AP1G2: variants seen among roughly 807,000 people sequenced by gnomAD.
AP1G2 encodes the protein adaptor related protein complex 1 subunit gamma 2.
Under a neutral mutation model 95.8 loss-of-function variants are expected in AP1G2, and 85 were observed. The ratio of observed to expected loss-of-function variants is 0.89; its 90% CI spans 0.74 to 1.06. AP1G2 has a LOEUF of 1.06. Ranked by LOEUF, AP1G2 falls within the 50% of genes least tolerant of loss-of-function variation. AP1G2 has a pLI of 0.00. For missense variants in AP1G2, 967 were observed against 1,005.8 expected (o/e 0.96, Z 0.52); for synonymous variants, 378 against 400.0 (o/e 0.94, Z 0.66).
chr14:23,565,935 AAG>A (rs748543530), intron 5 of AP1G2, 43 bp from the exon 6 acceptor site: 4 of 1,602,786 alleles, frequency 2.5e-6, no homozygotes, highest in South Asian at 1.1e-5. Context: ...GGCCAGGGGC[AAG>A]AGAGTCTATT....
intron 5 of AP1G2, 77 bp downstream of exon 5, chr14:23,565,987 A>G (rs768377384): frequency 6.2e-7 from 1 of 1,612,544 alleles, no homozygotes; most frequent in East Asian, 2.2e-5. Context: ...TTCTCCTGTG[A>G]GCTGGGGTTC....
In AP1G2 at chr14:23,562,044, T is replaced by TG. The variant is rs762899254; in HGVS notation, c.1650dup (p.Ile551HisfsTer18). On this transcript the variant is annotated frameshift_variant, in exon 17 of 22. Coordinates refer to ENST00000397120, the MANE Select transcript of AP1G2 (RefSeq NM_003917.5). LOFTEE classifies it high-confidence loss of function. ...TCCACGTCCAAGCAGCTCCCGTAGA[T>TG]GGACACCACCTGGCGGATGCGGCTG... 6.2e-7 allele frequency: 1 copy of TG among 1,613,680 alleles called. No homozygotes were observed. The highest frequency in any genetic ancestry group is 1.3e-5 in the African/African-American group (1 of 74,908).
rs760077242 is a variant in AP1G2, at chr14:23,567,472, A to G, written c.-5-153T>C. On this transcript the variant is annotated intron_variant, in intron 1 of 21. Coordinates refer to ENST00000397120, the MANE Select transcript of AP1G2 (RefSeq NM_003917.5). This position sits in a 1 kb window ranked among gnomAD's most constrained non-coding sequence, Gnocchi z 5.3. ...TTACCTTTCCCGAAGTGGGTCTCCA[A>G]ATTCCGCGCCCACCCCACCGCCCGA... is the stretch of plus-strand genomic sequence containing the variant. The G allele has an allele frequency of 5.7e-6, 8 of 1,394,728 alleles. No individual in the cohort carries two copies. The highest frequency in any genetic ancestry group is 1.5e-5 in the African/African-American group (1 of 66,746). The allele number at this position is 1,394,728 out of a possible 1,614,324, so 86.4% of individuals were successfully genotyped here.
intron 19 of AP1G2, 159 bp from the exon 20 acceptor site, chr14:23,560,577 T>C (rs751510570): frequency 5.7e-6 from 4 of 698,708 alleles, no homozygotes; most frequent in Admixed American, 7.1e-5. Context: ...TACTGTCTAA[T>C]GGGGGAGAGA....
Position 23,562,501 on chromosome 14 carries a change from C to T in AP1G2, c.1500+3G>A. The T allele has an allele frequency of 2.5e-6, 4 of 1,614,188 alleles. No individual in the cohort carries two copies. The highest frequency in any genetic ancestry group is 3.4e-6 in the Non-Finnish European group (4 of 1,180,018). ...CCTCAGTGTACCCCCAATGAGGTCT[C>T]ACCTGAAGGGGCTCAATCTCCTCGC... is the stretch of plus-strand genomic sequence containing the variant. On this transcript the variant is annotated splice_donor_region_variant and intron_variant, in intron 15 of 21. Transcript: ENST00000397120.
Position 23,567,275 on chromosome 14 carries a change from C to G in AP1G2, c.40G>C (p.Glu14Gln), listed in dbSNP as rs773972743. The change falls in exon 2 of 22, where the codon GAG (glutamate) becomes CAG (glutamine). Residue 14 changes from glutamate (E) to glutamine (Q), a missense_variant. Coordinates refer to ENST00000397120, the MANE Select transcript of AP1G2 (RefSeq NM_003917.5). This position sits in a 1 kb window ranked among gnomAD's most constrained non-coding sequence, Gnocchi z 5.3. ...PSLKLQDLIE[E>Q]IRGAKTQAQE... ...GCCTGAGTCTTGGCCCCGCGAATCT[C>G]TTCGATGAGGTCCTGAAGCTTCAGC... is the stretch of plus-strand genomic sequence containing the variant. 2 of 1,613,498 alleles carry G rather than the reference C, an allele frequency of 1.2e-6. No homozygotes were observed. Among genetic ancestry groups the G allele is most frequent in the South Asian group, 2.2e-5 (2 of 91,030 alleles).
chr14:23,565,428 C>A lies in AP1G2; in HGVS notation c.741+178G>T, dbSNP rs536421549. The A allele has an allele frequency of 8.2e-6, 6 of 727,892 alleles. No homozygotes were observed. The African/African-American group carries it at 1.1e-4, about 13-fold the overall frequency. 45.1% of individuals were successfully genotyped at this position (727,892 alleles called of 1,614,324 possible). A position where few individuals can be genotyped will look rare whatever the true frequency, so the allele number is the denominator to read the frequency against. ...TTGTTAACAAACTGTATTTTCCTGA[C>A]TTTTAGGCATTCCCTCTCCCCTCAC... On this transcript the variant is annotated intron_variant, in intron 7 of 21. Transcript: ENST00000397120.
At position 23,566,394 on chromosome 14, in the gene AP1G2, C is replaced by A. The variant is rs749066269; in HGVS notation, c.355G>T (p.Val119Leu). The A allele has an allele frequency of 6.2e-7, 1 of 1,613,978 alleles. No homozygotes were observed. ...AAAGTGCACAAGGCCAGGCCTTGTA[C>A]TGGCTGAATCCCCTGGCTCAGGTCA... ...KNDLSQGIQP[V>L]QGLALCTLST... Residue 119 changes from valine (V) to leucine (L), a missense_variant, in exon 4 of 22, where the codon GTA becomes TTA. Physicochemically the swap from Val to Leu is conservative, Grantham distance 32 (BLOSUM62 1). Coordinates refer to ENST00000397120, the MANE Select transcript of AP1G2 (RefSeq NM_003917.5).
At chr14:23,564,682 T>G (rs370165806) in intron 8 of AP1G2, 22 bp from the exon 9 acceptor site, 6 of 1,608,666 alleles carry the variant, frequency 3.7e-6, no homozygotes, top group Non-Finnish European at 5.1e-6. Flanking sequence ...AGAGAGGAGA[T>G]GTATCTGCTC....
chr14:23,561,435 G>T lies in AP1G2; in HGVS notation c.1858-4C>A, dbSNP rs1555354039. 6.2e-7 allele frequency: 1 copy of T among 1,611,696 alleles called. No homozygotes were observed. On this transcript the variant is annotated splice_polypyrimidine_tract_variant and splice_region_variant and intron_variant, in intron 18 of 21. Transcript: ENST00000397120. The stretch of plus-strand genomic sequence containing the variant: ...GCAGATCCAGGAGCTGTGAGGCCTG[G>T]CAGAAGGGACAGAAGGGGCAGGGCT...
rs765245065 is a variant in AP1G2, at chr14:23,564,584, ATATCCAT to A, written c.892_898del (p.Met298SerfsTer10). 26 of 1,613,468 alleles carry A rather than the reference ATATCCAT, an allele frequency of 1.6e-5. No homozygotes were observed. The highest frequency in any genetic ancestry group is 2.2e-5 in the Non-Finnish European group (26 of 1,179,998). On this transcript the variant is annotated frameshift_variant, in exon 9 of 22. Coordinates refer to ENST00000397120, the MANE Select transcript of AP1G2 (RefSeq NM_003917.5). LOFTEE classifies it high-confidence loss of function. ...TACCCGTAGGCCAGCTGCAGAGCGG[ATATCCAT>A]GATGGTGAGTACTGTCTCAAACAGG...
intron 14 of AP1G2, 178 bp from the exon 15 acceptor site, chr14:23,562,771 A>G: frequency 1.5e-6 from 1 of 660,576 alleles, no homozygotes; most frequent in Non-Finnish European, 2.5e-6. Context: ...AGAGAGAGAA[A>G]GAAAGAAACA....
Position 23,563,759 on chromosome 14 carries a change from G to A in AP1G2, c.1189C>T (p.Leu397=). ...ATGCCTGAGGCACAGTCAGCCCGTA[G>A]GTCAGGAGGGCAGGACTCCAGAAAG... is the stretch of plus-strand genomic sequence containing the variant. The part of the protein sequence containing the change: ...QAFLESCPPD[L]RADCASGILL... Residue 397 remains leucine, a synonymous_variant, in exon 12 of 22, where the codon CTA becomes TTA. Transcript: ENST00000397120. 1 of 1,614,192 alleles carries A rather than the reference G, an allele frequency of 6.2e-7. No homozygotes were observed. Among genetic ancestry groups the A allele is most frequent in the Non-Finnish European group, 8.5e-7 (1 of 1,180,028 alleles).
In AP1G2 at chr14:23,559,843, A is replaced by G. The variant is rs762000472; in HGVS notation, c.2264T>C (p.Leu755Pro). ...FRILNPNKAPLRLKLRLTYDH... is the reference protein window; with the variant it reads ...FRILNPNKAPPRLKLRLTYDH... The stretch of plus-strand genomic sequence containing the variant: ...GTAGGTGAGGCGCAGCTTTAGCCGC[A>G]GGGGGGCCTAGGAATAGGAGAGCAG... The change falls in exon 22 of 22, where the codon CTG becomes CCG. Residue 755 changes from leucine (L) to proline (P), a missense_variant. Coordinates refer to ENST00000397120, the MANE Select transcript of AP1G2 (RefSeq NM_003917.5). The G allele has an allele frequency of 2.5e-6, 4 of 1,614,054 alleles. No individual in the cohort carries two copies. Among genetic ancestry groups the G allele is most frequent in the Non-Finnish European group, 3.4e-6 (4 of 1,179,998 alleles).
At position 23,561,335 on chromosome 14, in the gene AP1G2, C is replaced by T. The variant is rs1024085564; in HGVS notation, c.1954G>A (p.Val652Ile). Residue 652 changes from valine (V) to isoleucine (I), a missense_variant, in exon 19 of 22, where the codon GTA becomes ATA. Transcript: ENST00000397120. ...HLDPSPGGAL[V>I]HLLDLPCVPP... ...ACACAGGGAAGGTCAAGCAGGTGTA[C>T]CAGGGCACCTCCTGGGGAGGGGTCC... is the stretch of plus-strand genomic sequence containing the variant. The T allele has an allele frequency of 2.5e-6, 4 of 1,574,966 alleles. No homozygotes were observed. The highest frequency in any genetic ancestry group is 2.7e-5 in the African/African-American group (2 of 73,584).
chr14:23,567,456 C>T lies in AP1G2; in HGVS notation c.-5-137G>A. 1 of 1,407,654 alleles carries T rather than the reference C, an allele frequency of 7.1e-7. No individual in the cohort carries two copies. Among genetic ancestry groups the T allele is most frequent in the African/African-American group, 1.5e-5 (1 of 66,950 alleles). 87.2% of individuals were successfully genotyped at this position (1,407,654 alleles called of 1,614,324 possible). ...AAATTGCGCCCGCATTTTACCTTTCCCGAAGTGGGTCTCCAAATTCCGCGC... is the reference window on the plus strand; with the variant it reads ...AAATTGCGCCCGCATTTTACCTTTCTCGAAGTGGGTCTCCAAATTCCGCGC... On this transcript the variant is annotated intron_variant, in intron 1 of 21. Transcript: ENST00000397120. The surrounding 1 kb of genome is among the most constrained non-coding windows in gnomAD (Gnocchi z 5.3).
intron 20 of AP1G2, 107 bp from the exon 21 acceptor site, chr14:23,560,143 G>A: frequency 6.8e-7 from 1 of 1,467,356 alleles, no homozygotes; most frequent in Non-Finnish European, 9.4e-7. Context: ...CCCAAGTGCT[G>A]ATCTCCAGAT....
chr14:23,559,823 T>C lies in AP1G2; in HGVS notation c.2284A>G (p.Thr762Ala). ...ACCGACTGGTGAAAGTGGTCGTAGG[T>C]GAGGCGCAGCTTTAGCCGCAGGGGG... ...KAPLRLKLRL[T>A]YDHFHQSVQE... The change falls in exon 22 of 22, where the codon ACC becomes GCC. Residue 762 changes from threonine (T) to alanine (A), a missense_variant. Physicochemically the swap from Thr to Ala is moderately conservative, Grantham distance 58. Transcript: ENST00000397120. 6.2e-7 allele frequency: 1 copy of C among 1,614,102 alleles called. No individual in the cohort carries two copies. Among genetic ancestry groups the C allele is most frequent in the Non-Finnish European group, 8.5e-7 (1 of 1,180,014 alleles).
chr14:23,565,638 T>C lies in AP1G2; in HGVS notation c.709A>G (p.Ser237Gly). The change falls in exon 7 of 22, where the codon AGC (serine) becomes GGC (glycine). Residue 237 changes from serine (S) to glycine (G), a missense_variant. Coordinates refer to ENST00000397120, the MANE Select transcript of AP1G2 (RefSeq NM_003917.5). ...AAGGGGTCGCTGACTCCAGATATGCTGTGTTCTGTGGAGTATCCCATTGTC... is the reference window on the plus strand; with the variant it reads ...AAGGGGTCGCTGACTCCAGATATGCCGTGTTCTGTGGAGTATCCCATTGTC... Reference protein sequence around the residue: ...LVTMGYSTEHSISGVSDPFLQ... With the variant: ...LVTMGYSTEHGISGVSDPFLQ... 1 of 1,614,144 alleles carries C rather than the reference T, an allele frequency of 6.2e-7. No individual in the cohort carries two copies. The highest frequency in any genetic ancestry group is 8.5e-7 in the Non-Finnish European group (1 of 1,180,014).
Sources: allele counts gnomAD v4.1 joint callset, GRCh38; gene constraint gnomAD v4.1.1; non-coding constraint Gnocchi (gnomAD v3.1); transcripts MANE v1.5; gene names NCBI Gene and HGNC (gene_info 2026-07-23, HGNC 2026-07-21).